ASTN2: variants seen among roughly 807,000 people sequenced by gnomAD.
ASTN2 encodes astrotactin 2, also known as astrotactin-2.
ASTN2 carries 54 observed loss-of-function variants against 139.8 expected under a neutral mutation model. The observed-to-expected ratio is 0.39, with a 90% CI of 0.31 to 0.48. The LOEUF (loss-of-function observed/expected upper bound fraction) is 0.48. Among genes scored for constraint, ASTN2 ranks in the 20% least tolerant of loss-of-function variants. The probability of loss-of-function intolerance (pLI) is 0.95; values close to 1 mark genes in which losing one functional copy is unlikely to be tolerated. For synonymous variants in ASTN2, 756 were observed against 719.5 expected (o/e 1.05, Z -0.81); for missense variants, 1,565 against 1,725.1 (o/e 0.91, Z 1.64).
intron 20 of ASTN2, among the ~76,000 whole-genome samples, chr9:116,457,430 A>T (rs1464246564): frequency 6.6e-6 from 1 of 152,190 alleles, no homozygotes; most frequent in African/African-American, 2.4e-5. Flanking sequence ...ATGGGAGAAA[A>T]TATTTGCAAG....
At chr9:116,710,732 TC>T (rs1472706222) in intron 16 of ASTN2, among the ~76,000 whole-genome samples, 3 of 31,110 alleles carry the variant, frequency 9.6e-5, no homozygotes, top group African/African-American at 2.9e-4. Flanking sequence ...AAACTCCGTC[TC>T]AAAAAAAAAA....
At chr9:116,632,236 A>AGAAAGAAGGAAG (rs1564169255) in intron 17 of ASTN2, among the ~76,000 whole-genome samples, 2 of 129,886 alleles carry the variant, frequency 1.5e-5, no homozygotes, top group African/African-American at 3.5e-5. Flanking sequence ...AAAGAAAGAA[A>AGAAAGAAGGAAG]GAAAGAAAGA....
chr9:116,919,025 C>T (rs1464221841), intron 10 of ASTN2, among the ~76,000 whole-genome samples: 3 of 151,044 alleles, frequency 2.0e-5, no homozygotes, highest in Non-Finnish European at 4.4e-5. Context: ...TTTTTTTAAA[C>T]TTCCCTGAGC....
chr9:116,847,023 AAAAC>A lies in ASTN2; in HGVS notation c.2040+16556_2040+16559del, dbSNP rs1410865602. On this transcript the variant is annotated intron_variant, in intron 11 of 22. Coordinates refer to ENST00000313400, the MANE Select transcript of ASTN2 (RefSeq NM_001365068.1). Reference sequence around the variant, plus strand: ...CTTCATTCTCAAAAAAAAAAAAAAAAAAACAAAAAACAAAAAACAAAAAACAAAA... The same window carrying A: ...CTTCATTCTCAAAAAAAAAAAAAAAAAAAAAACAAAAAACAAAAAACAAAA... Among the ~76,000 whole-genome samples the A allele has an allele frequency of 3.6e-4, 43 of 121,112 alleles. 3 individuals carry two copies. The South Asian group carries it at 8.7e-3, about 25-fold the overall frequency. 79.5% of individuals were successfully genotyped at this position (121,112 alleles called of 152,430 possible). A position where few individuals can be genotyped will look rare whatever the true frequency, so the allele number is the denominator to read the frequency against.
intron 20 of ASTN2, among the ~76,000 whole-genome samples, chr9:116,466,481 C>A (rs576936918): frequency 1.3e-5 from 2 of 152,304 alleles, no homozygotes; most frequent in Admixed American, 1.3e-4. Flanking sequence ...CAATTCCTAC[C>A]AGCCCATTCT....
intron 19 of ASTN2, among the ~76,000 whole-genome samples, chr9:116,561,145 C>A (rs1397816436): frequency 6.6e-6 from 1 of 152,052 alleles, no homozygotes; most frequent in African/African-American, 2.4e-5. Flanking sequence ...CCCATGAGCA[C>A]AAATCGTCCA....
At position 117,127,672 on chromosome 9, in the gene ASTN2, G is replaced by GTTTTTTTT. The variant is rs11427891; in HGVS notation, c.1168+13646_1168+13653dup. Among the ~76,000 whole-genome samples, 13 of 70,896 alleles carry GTTTTTTTT rather than the reference G, an allele frequency of 1.8e-4. 1 individual carries two copies. The highest frequency in any genetic ancestry group is 6.5e-4 in the South Asian group (1 of 1,528). 46.5% of individuals were successfully genotyped at this position (70,896 alleles called of 152,430 possible). ...AAGTTAGGGTTTTTTTTTTGTTTTGGTTTTTTTTTTTTTTTTTTTTTTTTT... is the reference window on the plus strand; with the variant it reads ...AAGTTAGGGTTTTTTTTTTGTTTTGGTTTTTTTTTTTTTTTTTTTTTTTTTTTTTTTTT... On this transcript the variant is annotated intron_variant, in intron 4 of 22. Coordinates refer to ENST00000313400, the MANE Select transcript of ASTN2 (RefSeq NM_001365068.1).
At chr9:116,500,411 C>A (rs1849814672) in intron 19 of ASTN2, among the ~76,000 whole-genome samples, 1 of 152,148 alleles carries the variant, frequency 6.6e-6, no homozygotes, top group Non-Finnish European at 1.5e-5. Flanking sequence ...AACCCCTGAT[C>A]CCGTGCTGCT....
chr9:117,255,744 GA>G (rs1244109472), intron 2 of ASTN2, among the ~76,000 whole-genome samples: 1 of 152,182 alleles, frequency 6.6e-6, no homozygotes, highest in Non-Finnish European at 1.5e-5. Context: ...ATGACAAAGA[GA>G]ATTGCAATGG....
chr9:117,213,096 C>T (rs538203637), intron 3 of ASTN2, among the ~76,000 whole-genome samples: 82 of 152,252 alleles, frequency 5.4e-4, no homozygotes, highest in African/African-American at 1.8e-3. Context: ...GGAATACATT[C>T]AGCCATAAAT....
intron 16 of ASTN2, among the ~76,000 whole-genome samples, chr9:116,682,223 G>A (rs894420725): frequency 2.6e-5 from 4 of 152,110 alleles, no homozygotes; most frequent in East Asian, 1.9e-4. Context: ...AAGGACATGA[G>A]CAGACACTTC....
rs575909027 is a variant in ASTN2, at chr9:116,578,381, TTCTC to T, written c.3355+39939_3355+39942del. Among the ~76,000 whole-genome samples, 5 of 152,232 alleles carry T rather than the reference TTCTC, an allele frequency of 3.3e-5. No homozygotes were observed. The South Asian group carries it at 6.2e-4, about 19-fold the overall frequency. ...ACTACTCACGTCCTTTTTTCTAGAATTCTCTCTCTCACTCACTCCTGTAACAATG... is the reference window on the plus strand; with the variant it reads ...ACTACTCACGTCCTTTTTTCTAGAATTCTCTCACTCACTCCTGTAACAATG... On this transcript the variant is annotated intron_variant, in intron 19 of 22. Coordinates refer to ENST00000313400, the MANE Select transcript of ASTN2 (RefSeq NM_001365068.1).
At chr9:116,516,009 G>A (rs1264784693) in intron 19 of ASTN2, among the ~76,000 whole-genome samples, 1 of 152,108 alleles carries the variant, frequency 6.6e-6, no homozygotes, top group Non-Finnish European at 1.5e-5. Context: ...TAATGCTGTT[G>A]GTGCTGGTTT....
chr9:116,812,067 G>C lies in ASTN2; in HGVS notation c.2208-6247C>G, dbSNP rs911772878. ...TTAAATATATGCATTATTTGTGTGT[G>C]TGTCTCTGAGTGTGTGTGTGTACAT... is the stretch of plus-strand genomic sequence containing the variant. On this transcript the variant is annotated intron_variant, in intron 12 of 22. Transcript: ENST00000313400. Among the ~76,000 whole-genome samples, 40 of 152,184 alleles carry C rather than the reference G, an allele frequency of 2.6e-4. 1 individual carries two copies. Among genetic ancestry groups the C allele is most frequent in the African/African-American group, 8.2e-4 (34 of 41,440 alleles).
intron 13 of ASTN2, among the ~76,000 whole-genome samples, chr9:116,740,436 G>A (rs553715476): frequency 6.6e-6 from 1 of 152,302 alleles, no homozygotes; most frequent in African/African-American, 2.4e-5. Context: ...GATCCTTAGT[G>A]ACTTCATCTG....
chr9:116,770,331 C>G (rs762719238), intron 13 of ASTN2, among the ~76,000 whole-genome samples: 5 of 152,120 alleles, frequency 3.3e-5, no homozygotes, highest in Non-Finnish European at 7.4e-5. Flanking sequence ...CTATACCAGA[C>G]CAGTCCTTTC....
At chr9:116,452,634 C>G (rs889591433) in intron 20 of ASTN2, among the ~76,000 whole-genome samples, 2 of 152,312 alleles carry the variant, frequency 1.3e-5, no homozygotes, top group East Asian at 1.9e-4. Context: ...TACAAGGAGG[C>G]AAGTGAGCCT....
chr9:117,262,393 C>A (rs563935695), intron 2 of ASTN2, among the ~76,000 whole-genome samples: 108 of 112,638 alleles, frequency 9.6e-4, no homozygotes, highest in Middle Eastern at 4.5e-3. Flanking sequence ...TATTCTGTTT[C>A]TTTTTTTATT....
In ASTN2 at chr9:116,569,005, C is replaced by G. The variant is rs556069266; in HGVS notation, c.3355+49319G>C. On this transcript the variant is annotated intron_variant, in intron 19 of 22. Coordinates refer to ENST00000313400, the MANE Select transcript of ASTN2 (RefSeq NM_001365068.1). Reference sequence around the variant, plus strand: ...GAAAAATGATAGGGTCAAGGTTGGTCCAAGGAACAGTAGGTAGGGAAGCAG... The same window carrying G: ...GAAAAATGATAGGGTCAAGGTTGGTGCAAGGAACAGTAGGTAGGGAAGCAG... The G allele has an allele frequency of 2.0e-5, 3 of 152,134 alleles. No individual in the cohort carries two copies. The South Asian group carries it at 6.2e-4, about 32-fold the overall frequency. 9.4% of individuals were successfully genotyped at this position (152,134 alleles called of 1,614,324 possible).
Sources: gnomAD v4.1 joint callset for allele counts (sites outside exome capture counted in the v4.1 genomes callset) on GRCh38, gnomAD v4.1.1 for gene constraint, MANE v1.5 for transcripts, NCBI Gene and HGNC (gene_info 2026-07-23, HGNC 2026-07-21) for gene names.